The following RUFY4 variants were observed in gnomAD, a reference collection of about 807,000 sequenced individuals.
RUFY4 encodes RUN and FYVE domain-containing protein 4.
Under a neutral mutation model 69.0 loss-of-function variants are expected in RUFY4, and 73 were observed. The observed-to-expected ratio is 1.06, with a 90% CI of 0.88 to 1.29. The LOEUF (loss-of-function observed/expected upper bound fraction) is 1.29, where lower values mean the gene tolerates loss of function less well. Among genes scored for constraint, RUFY4 ranks in the 50% most tolerant of loss-of-function variants. RUFY4 has a pLI of 0.00. For synonymous variants in RUFY4, 287 were observed against 271.8 expected, an observed-to-expected ratio of 1.06 and a Z score of -0.55; for missense variants, 770 against 705.6, an observed-to-expected ratio of 1.09 and a Z score of -1.03.
chr2:218,059,943 G>A lies in RUFY4; in HGVS notation c.-1071+1262G>A, dbSNP rs572434816. The A allele has an allele frequency of 3.3e-3, 561 of 171,256 alleles. 3 individuals are homozygous for A. Among genetic ancestry groups the A allele is most frequent in the Non-Finnish European group, 2.0e-4 (14 of 71,010 alleles). 10.6% of individuals were successfully genotyped at this position (171,256 alleles called of 1,614,324 possible). ...CACAACATTTTACATTCCCGCTCAC[G>A]ATGCCCGAGAATTCCACTTTCTCTG... On this transcript the variant is annotated intron_variant and NMD_transcript_variant, in intron 3 of 13. Transcript: ENST00000457754.
intron 8 of RUFY4, among the ~76,000 whole-genome samples, 164 bp from the exon 11 acceptor site, chr2:218,082,943 GGCA>G (rs370206229): frequency 1.6e-5 from 2 of 123,282 alleles, no homozygotes; most frequent in Non-Finnish European, 1.7e-5. Flanking sequence ...TTGTGTTGTA[GGCA>G]TGTGTGTGCT....
intron 2 of RUFY4, among the ~76,000 whole-genome samples, chr2:218,053,658 T>A (rs1162385641): frequency 6.6e-6 from 1 of 152,138 alleles, no homozygotes; most frequent in Non-Finnish European, 1.5e-5. Flanking sequence ...TACAGGCGTC[T>A]GCCACCGCGC....
At chr2:218,064,100 G>A (rs527441592) in intron 3 of RUFY4, among the ~76,000 whole-genome samples, 13 of 152,204 alleles carry the variant, frequency 8.5e-5, no homozygotes, top group East Asian at 5.8e-4. Flanking sequence ...CACCAGATTC[G>A]CTGTACTTAC....
intron 8 of RUFY4, among the ~76,000 whole-genome samples, chr2:218,079,075 G>T (rs182449850): frequency 6.6e-6 from 1 of 152,152 alleles, no homozygotes; most frequent in South Asian, 2.1e-4. Context: ...CATCATGTTG[G>T]CCAGGCTGGT....
At chr2:218,038,975 A>G (rs1009999248) in intron 2 of RUFY4, among the ~76,000 whole-genome samples, 3 of 152,128 alleles carry the variant, frequency 2.0e-5, no homozygotes, top group Admixed American at 6.5e-5. Context: ...CACTAGGTGT[A>G]AAGAAGTCTG....
intron 2 of RUFY4, among the ~76,000 whole-genome samples, chr2:218,056,814 G>A (rs182613217): frequency 2.2e-4 from 33 of 152,238 alleles, no homozygotes; most frequent in Non-Finnish European, 2.8e-4. Flanking sequence ...GGCCAGGTGC[G>A]GTGGATCACA....
intron 9 of RUFY4, 43 bp from the exon 12 acceptor site, chr2:218,089,207 ATC>A (rs772746500): frequency 1.6e-5 from 24 of 1,475,002 alleles, no homozygotes; most frequent in Middle Eastern, 3.5e-4. Context: ...CTATCTTTTG[ATC>A]TCTGTCTCTG....
Position 218,089,684 on chromosome 2 carries a change from C to T in RUFY4, c.1614-268C>T, listed in dbSNP as rs766953730. The T allele has an allele frequency of 4.3e-5, 30 of 703,110 alleles. No individual in the cohort carries two copies. In the South Asian group the frequency reaches 4.3e-4, roughly 10 times the overall value. 43.6% of individuals were successfully genotyped at this position (703,110 alleles called of 1,614,324 possible). On this transcript the variant is annotated intron_variant, in intron 10 of 10. Transcript: ENST00000344321. The stretch of plus-strand genomic sequence containing the variant: ...GCTCCCCCTCCTTCCTCTGTGAGCA[C>T]AGTGCTAGGACCAGCCTTGGGAGAG...
chr2:218,072,641 G>T, intron 3 of RUFY4, 138 bp from the exon 6 acceptor site: 1 of 1,352,946 alleles, frequency 7.4e-7, no homozygotes, highest in South Asian at 1.5e-5. Flanking sequence ...CACCCCTCCA[G>T]ACACCCTTTT....
chr2:218,090,438 C>T (rs941166465), exon 11 of RUFY4: 1 of 235,080 alleles, frequency 4.3e-6, no homozygotes, highest in South Asian at 6.5e-5. Context: ...TTTCCTGATT[C>T]ACGAGAAGTG....
rs1689598515 is a variant in RUFY4, at chr2:218,075,297, GA to G, written c.807del (p.Lys271ArgfsTer5). 6.2e-7 allele frequency: 1 copy of G among 1,604,636 alleles called. No individual in the cohort carries two copies. The highest frequency in any genetic ancestry group is 1.3e-5 in the African/African-American group (1 of 74,794). The stretch of plus-strand genomic sequence containing the variant: ...GTACCCCCAGAGCATGTGGGAGCCA[GA>G]AGGGAAGGAGCTTCAGCTAGACCAG... On this transcript the variant is annotated frameshift_variant, in exon 7 of 11. Coordinates refer to ENST00000344321, the Ensembl canonical transcript of RUFY4. LOFTEE classifies it high-confidence loss of function.
chr2:218,051,451 T>C (rs1164264848), intron 2 of RUFY4, among the ~76,000 whole-genome samples: 2 of 151,506 alleles, frequency 1.3e-5, no homozygotes, highest in Non-Finnish European at 2.9e-5. Flanking sequence ...TAATTCTGTA[T>C]ACAAAATATA....
At chr2:218,071,988 A>C (rs991712645) in intron 2 of RUFY4, among the ~76,000 whole-genome samples, 25 of 152,314 alleles carry the variant, frequency 1.6e-4, no homozygotes, top group African/African-American at 5.8e-4. Flanking sequence ...CTTGAGGAGA[A>C]TGAGTACCCA....
intron 3 of RUFY4, chr2:218,061,058 C>A (rs1467967672): frequency 7.8e-6 from 5 of 644,176 alleles, no homozygotes; most frequent in Non-Finnish European, 1.2e-5. Context: ...GGAGCTAGAC[C>A]ACCTGGCACA....
intron 8 of RUFY4, among the ~76,000 whole-genome samples, chr2:218,082,684 T>C (rs1689788785): frequency 6.6e-6 from 1 of 151,918 alleles, no homozygotes; most frequent in Non-Finnish European, 1.5e-5. Context: ...ATGTCTGTTG[T>C]GTGTGTTGTG....
chr2:218,049,788 G>A lies in RUFY4; in HGVS notation c.-1157-8807G>A, dbSNP rs189327439. Among the ~76,000 whole-genome samples the A allele has an allele frequency of 1.9e-4, 29 of 152,268 alleles. No individual in the cohort carries two copies. In the East Asian group the frequency reaches 2.5e-3, roughly 13 times the overall value. On this transcript the variant is annotated intron_variant and NMD_transcript_variant, in intron 2 of 13. Transcript: ENST00000457754. ...CTCCCAAAGTGCTGAGATTACAGGC[G>A]TGAGCCACCGTGCCCAGCTAGGTCC...
At chr2:218,057,123 G>A (rs966373732) in intron 2 of RUFY4, among the ~76,000 whole-genome samples, 3 of 151,094 alleles carry the variant, frequency 2.0e-5, no homozygotes, top group Admixed American at 6.6e-5. Context: ...TTTACCCAGC[G>A]CTGTCCTATC....
At chr2:218,066,839 G>A (rs1421355241), upstream of RUFY4, among the ~76,000 whole-genome samples, 3 of 152,190 alleles carry the variant, frequency 2.0e-5, no homozygotes, top group Admixed American at 1.3e-4. Context: ...TCTTCATAAT[G>A]TCTTTCAAAA....
chr2:218,072,861 GC>G lies in RUFY4; in HGVS notation c.364del (p.Leu122SerfsTer2), dbSNP rs1689524748. On this transcript the variant is annotated frameshift_variant, in exon 4 of 11. Transcript: ENST00000344321. LOFTEE classifies it high-confidence loss of function. ...CAGCTGGCTGAGGCCCTGCAGCTTTGCCTCCTGAACTCAGAGCTCACCAGGT... is the reference window on the plus strand; with the variant it reads ...CAGCTGGCTGAGGCCCTGCAGCTTTGCTCCTGAACTCAGAGCTCACCAGGT... 1.5e-5 allele frequency: 23 copies of G among 1,535,394 alleles called. No individual in the cohort carries two copies. The highest frequency in any genetic ancestry group is 1.9e-5 in the Non-Finnish European group (22 of 1,146,032).
Sources: allele counts gnomAD v4.1 joint callset (sites outside exome capture counted in the v4.1 genomes callset), GRCh38; gene constraint gnomAD v4.1.1; transcripts MANE v1.5; gene names NCBI Gene and HGNC (gene_info 2026-07-23, HGNC 2026-07-21).